Variants in LRP5 observed in about 807,000 individuals in gnomAD.
LRP5 encodes the protein low-density lipoprotein receptor-related protein 5.
In LRP5, 62 loss-of-function variants were observed where a neutral mutation model predicts 154.1. That is an observed-to-expected ratio of 0.40 (90% confidence interval 0.33 to 0.50). LRP5 has a LOEUF of 0.50. LRP5 is among the 20% of genes least tolerant of loss of function. LRP5 has a pLI of 0.55. For missense variants in LRP5, 1,915 were observed against 2,336.7 expected, an observed-to-expected ratio of 0.82 and a Z score of 3.72; for synonymous variants, 966 against 1,011.5, an observed-to-expected ratio of 0.96 and a Z score of 0.85.
intron 1 of LRP5, among the ~76,000 whole-genome samples, chr11:68,339,737 G>A (rs925907641): frequency 6.6e-6 from 1 of 152,146 alleles, no homozygotes; most frequent in African/African-American, 2.4e-5. Flanking sequence ...TCCGTTCATC[G>A]GTTATGGACA....
chr11:68,320,481 A>C (rs1162414300), intron 1 of LRP5, among the ~76,000 whole-genome samples: 2 of 139,952 alleles, frequency 1.4e-5, no homozygotes. Flanking sequence ...TTTGAGACAG[A>C]GTCTCGCTGT....
At position 68,423,665 on chromosome 11, in the gene LRP5, G is replaced by GC; in HGVS notation, c.3207dup (p.Arg1070GlnfsTer68). 1 of 1,613,698 alleles carries GC rather than the reference G, an allele frequency of 6.2e-7. No individual in the cohort carries two copies. The highest frequency in any genetic ancestry group is 8.5e-7 in the Non-Finnish European group (1 of 1,179,978). ...TGGTGCTGCGTGGGGACCGCGACAA[G>GC]CCCAGGGCCATCGTCGTCAACGCGG... On this transcript the variant is annotated frameshift_variant, in exon 14 of 23. Transcript: ENST00000294304. LOFTEE classifies it high-confidence loss of function. The surrounding 1 kb of genome is among the most constrained non-coding windows in gnomAD (Gnocchi z 4.7).
At chr11:68,439,650 C>G in intron 20 of LRP5, 127 bp from the exon 21 acceptor site, 1 of 1,033,374 alleles carries the variant, frequency 9.7e-7, no homozygotes, top group East Asian at 2.6e-5. Context: ...GGGCACATTT[C>G]CAACAGGACA....
At position 68,429,711 on chromosome 11, in the gene LRP5, C is replaced by T. The variant is rs2098670889; in HGVS notation, c.3763+11C>T. The stretch of plus-strand genomic sequence containing the variant: ...TGCTGACCTGTGGAGGTAGGTGTGA[C>T]CTAGGTGCTCCTTTGGGGTGATGGA... On this transcript the variant is annotated intron_variant, in intron 17 of 22. Coordinates refer to ENST00000294304, the MANE Select transcript of LRP5 (RefSeq NM_002335.4). 1.9e-6 allele frequency: 3 copies of T among 1,613,892 alleles called. No individual in the cohort carries two copies. The highest frequency in any genetic ancestry group is 2.5e-6 in the Non-Finnish European group (3 of 1,180,028).
intron 1 of LRP5, among the ~76,000 whole-genome samples, chr11:68,314,070 T>C (rs1192101654): frequency 1.3e-5 from 2 of 152,056 alleles, no homozygotes; most frequent in Non-Finnish European, 2.9e-5. Flanking sequence ...TGTCTGGAGC[T>C]AGCAAAACAA....
In LRP5 at chr11:68,449,068, T is replaced by C; in HGVS notation, c.4846T>C (p.Ter1616ArgextTer13). 1 of 1,542,906 alleles carries C rather than the reference T, an allele frequency of 6.5e-7. No individual in the cohort carries two copies. ...PPPSPCTDSS[*>R] ...TCCGTCCCCCTGCACGGACTCATCCTGACCTCGGCCGGGCCACTCTGGCTT... is the reference window on the plus strand; with the variant it reads ...TCCGTCCCCCTGCACGGACTCATCCCGACCTCGGCCGGGCCACTCTGGCTT... The change falls in exon 23 of 23, where the codon TGA becomes CGA. Residue 1616 changes from the stop codon to arginine (R), a stop_lost. Coordinates refer to ENST00000294304, the MANE Select transcript of LRP5 (RefSeq NM_002335.4).
At chr11:68,354,213 C>T (rs1045047127) in intron 2 of LRP5, among the ~76,000 whole-genome samples, 2 of 152,206 alleles carry the variant, frequency 1.3e-5, no homozygotes, top group Admixed American at 6.5e-5. Flanking sequence ...CTTCGGAAGT[C>T]GATTTTCCTC....
At chr11:68,443,569 ATATATATATATATATATTTTTT>A (rs1565122108) in intron 21 of LRP5, among the ~76,000 whole-genome samples, 5 of 38,136 alleles carry the variant, frequency 1.3e-4, no homozygotes, top group South Asian at 1.6e-3. Flanking sequence ...ATATATATAT[ATATATATATATATATATTTTTT>A]TTTTTTTTGG....
chr11:68,326,602 T>C (rs1468891478), intron 1 of LRP5, among the ~76,000 whole-genome samples: 1 of 152,230 alleles, frequency 6.6e-6, no homozygotes, highest in Non-Finnish European at 1.5e-5. Flanking sequence ...AGAGATGTGC[T>C]CTCCAGTCTG....
intron 8 of LRP5, chr11:68,404,135 G>A: frequency 2.3e-6 from 1 of 434,536 alleles, no homozygotes. Context: ...GCCCACGCAT[G>A]TGCACCTTCC....
At chr11:68,439,726 G>T in intron 20 of LRP5, 51 bp from the exon 21 acceptor site, 2 of 1,587,726 alleles carry the variant, frequency 1.3e-6, no homozygotes, top group Non-Finnish European at 1.7e-6. Context: ...CTGTGGGGCG[G>T]CTTGGCTGAG....
chr11:68,425,996 T>C lies in LRP5; in HGVS notation c.3446T>C (p.Leu1149Pro), dbSNP rs200389686. 1.9e-6 allele frequency: 3 copies of C among 1,612,198 alleles called. No individual in the cohort carries two copies. The South Asian group carries it at 3.3e-5, about 18-fold the overall frequency. ...CTTGCAGGGGCCAACCGCCTGACCCTGGAGGACGCCAACATCGTGCAGCCT... is the reference window on the plus strand; with the variant it reads ...CTTGCAGGGGCCAACCGCCTGACCCCGGAGGACGCCAACATCGTGCAGCCT... ...CDLSGANRLTLEDANIVQPLG... is the reference protein window; with the variant it reads ...CDLSGANRLTPEDANIVQPLG... The change falls in exon 16 of 23, where the codon CTG becomes CCG. Residue 1149 changes from leucine (L) to proline (P), a missense_variant. Physicochemically the swap from Leu to Pro is moderately conservative, Grantham distance 98. Coordinates refer to ENST00000294304, the MANE Select transcript of LRP5 (RefSeq NM_002335.4).
At chr11:68,303,729 G>C in the LRP5 span, among the ~76,000 whole-genome samples, 1 of 152,148 alleles carries the variant, frequency 6.6e-6, no homozygotes, top group Non-Finnish European at 1.5e-5. Flanking sequence ...TCCTGATCTC[G>C]TGATCTGCCC....
intron 7 of LRP5, among the ~76,000 whole-genome samples, chr11:68,397,624 C>T (rs187416761): frequency 1.3e-5 from 2 of 149,132 alleles, no homozygotes; most frequent in Admixed American, 6.7e-5. Flanking sequence ...TCTGTGCGCT[C>T]GGTTGGCCCG....
At chr11:68,307,076 G>C in the LRP5 span, among the ~76,000 whole-genome samples, 1 of 152,156 alleles carries the variant, frequency 6.6e-6, no homozygotes, top group Non-Finnish European at 1.5e-5. Context: ...CAGCTACTCG[G>C]GAGGCTGAGG....
At chr11:68,387,623 G>C (rs1231545040) in intron 6 of LRP5, among the ~76,000 whole-genome samples, 1 of 152,184 alleles carries the variant, frequency 6.6e-6, no homozygotes, top group African/African-American at 2.4e-5. Context: ...ATAGTTTGTC[G>C]GTCGGTAGGG....
Position 68,416,500 on chromosome 11 carries a change from C to A in LRP5, c.3000C>A (p.Ile1000=). The A allele has an allele frequency of 6.2e-7, 1 of 1,613,942 alleles. No homozygotes were observed. Among genetic ancestry groups the A allele is most frequent in the Middle Eastern group, 1.6e-4 (1 of 6,062 alleles). The change falls in exon 13 of 23, where the codon ATC becomes ATA. Residue 1000 remains isoleucine, a synonymous_variant. Coordinates refer to ENST00000294304, the MANE Select transcript of LRP5 (RefSeq NM_002335.4). ...ACTGGGTGGATGGGCGCCAGAACAT[C>A]AAGCGAGCCAAGGACGACGGGACCC... ...FIYWVDGRQN[I]KRAKDDGTQP... is the part of the protein sequence containing the mutation.
At chr11:68,436,776 A>G in intron 18 of LRP5, 113 bp from the exon 19 acceptor site, 1 of 755,796 alleles carries the variant, frequency 1.3e-6, no homozygotes, top group East Asian at 2.5e-5. Context: ...GGTCCTAGAA[A>G]GGGTCCCATC....
At chr11:68,344,627 C>T (rs1027061788) in intron 1 of LRP5, among the ~76,000 whole-genome samples, 1 of 151,270 alleles carries the variant, frequency 6.6e-6, no homozygotes, top group Non-Finnish European at 1.5e-5. Flanking sequence ...GCCCAGAACT[C>T]TTTAATTCCC....
Sources: allele counts gnomAD v4.1 joint callset (sites outside exome capture counted in the v4.1 genomes callset), GRCh38; gene constraint gnomAD v4.1.1; non-coding constraint Gnocchi (gnomAD v3.1); transcripts MANE v1.5; gene names NCBI Gene and HGNC (gene_info 2026-07-23, HGNC 2026-07-21).